The following ABCC3 variants were observed in gnomAD, a reference collection of about 807,000 sequenced individuals.
ABCC3 encodes the protein ATP binding cassette subfamily C member 3.
ABCC3 carries 121 observed loss-of-function variants against 165.3 expected under a neutral mutation model. That is an observed-to-expected ratio of 0.73 (90% CI 0.63 to 0.85). The LOEUF (loss-of-function observed/expected upper bound fraction) is 0.85. Among genes scored for constraint, ABCC3 ranks in the 40% least tolerant of loss-of-function variants. ABCC3 has a pLI of 0.00. For missense variants in ABCC3, 1,869 were observed against 1,964.1 expected, an observed-to-expected ratio of 0.95 and a Z score of 0.92; for synonymous variants, 733 against 810.1, an observed-to-expected ratio of 0.90 and a Z score of 1.62.
At chr17:50,669,947 C>A (rs1967612385) in intron 17 of ABCC3, among the ~76,000 whole-genome samples, 1 of 151,932 alleles carries the variant, frequency 6.6e-6, no homozygotes, top group Admixed American at 6.6e-5. Flanking sequence ...AGGCACATGC[C>A]ACCATACCCA....
At chr17:50,665,120 C>T in intron 10 of ABCC3, 33 bp from the exon 11 acceptor site, 1 of 1,592,692 alleles carries the variant, frequency 6.3e-7, no homozygotes, top group Middle Eastern at 1.7e-4. Context: ...TAATCTGTCC[C>T]TATGTGTCAT....
At chr17:50,687,758 G>A (rs758391849) in intron 30 of ABCC3, 28 bp downstream of exon 30, 27 of 1,604,582 alleles carry the variant, frequency 1.7e-5, no homozygotes, top group Non-Finnish European at 2.1e-5. Context: ...GAGCAATGGG[G>A]AACCTGGTGG....
At chr17:50,635,232 A>G in intron 1 of ABCC3, 3 of 627,222 alleles carry the variant, frequency 4.8e-6, no homozygotes, top group Non-Finnish European at 8.5e-6. Flanking sequence ...GAGCCCGGGA[A>G]AGTGAGGAAG....
Position 50,673,587 on chromosome 17 carries a change from G to T in ABCC3, c.2528G>T (p.Gly843Val). ...GPYPALLQRNGSFANFLCNYA... is the reference protein window; with the variant it reads ...GPYPALLQRNVSFANFLCNYA... ...TACCCAGCCCTGCTGCAGCGCAACGGCTCCTTTGCCAACTTTCTCTGCAAC... is the reference window on the plus strand; with the variant it reads ...TACCCAGCCCTGCTGCAGCGCAACGTCTCCTTTGCCAACTTTCTCTGCAAC... The change falls in exon 19 of 31, where the codon GGC becomes GTC. Residue 843 changes from glycine (G) to valine (V), a missense_variant. By Grantham distance (109) the Gly-to-Val change is moderately radical. Coordinates refer to ENST00000285238, the MANE Select transcript of ABCC3 (RefSeq NM_003786.4). 6.2e-7 allele frequency: 1 copy of T among 1,614,192 alleles called. No individual in the cohort carries two copies. The highest frequency in any genetic ancestry group is 1.6e-4 in the Middle Eastern group (1 of 6,062).
chr17:50,681,259 C>T (rs1967923559), intron 26 of ABCC3, among the ~76,000 whole-genome samples: 1 of 152,162 alleles, frequency 6.6e-6, no homozygotes, highest in Non-Finnish European at 1.5e-5. Flanking sequence ...TCGACCTTGC[C>T]TGACACCTCC....
At chr17:50,660,716 C>G (rs1458418925) in intron 7 of ABCC3, among the ~76,000 whole-genome samples, 1 of 152,188 alleles carries the variant, frequency 6.6e-6, no homozygotes, top group Non-Finnish European at 1.5e-5. Flanking sequence ...CTTGTGGTAG[C>G]AGTCTGGCCA....
intron 1 of ABCC3, chr17:50,635,754 C>A: frequency 1.6e-6 from 1 of 609,878 alleles, no homozygotes; most frequent in Non-Finnish European, 2.9e-6. Flanking sequence ...TGCAGTGGTT[C>A]ACGCCTGTAA....
Position 50,691,374 on chromosome 17 carries a change from T to A in ABCC3, c.*174T>A. On this transcript the variant is annotated 3_prime_UTR_variant, in exon 31 of 31. Coordinates refer to ENST00000285238, the MANE Select transcript of ABCC3 (RefSeq NM_003786.4). ...CTGAATGCTTTAGATGAGGAAATGA[T>A]CCCCAAGTGGTGAATGACACGCCTA... The A allele has an allele frequency of 1.7e-6, 1 of 572,202 alleles. No individual in the cohort carries two copies. The highest frequency in any genetic ancestry group is 3.2e-6 in the Non-Finnish European group (1 of 313,754). 35.4% of individuals were successfully genotyped at this position (572,202 alleles called of 1,614,324 possible).
intron 1 of ABCC3, among the ~76,000 whole-genome samples, chr17:50,640,869 C>T (rs113547418): frequency 7.0e-4 from 106 of 152,280 alleles, no homozygotes; most frequent in African/African-American, 2.1e-3. Context: ...GGGATCAGCA[C>T]GTGTCCTTGC....
chr17:50,664,333 C>A, intron 10 of ABCC3: 1 of 586,392 alleles, frequency 1.7e-6, no homozygotes, highest in Non-Finnish European at 3.0e-6. Flanking sequence ...ATAGCAAGAC[C>A]TTGTCTCTAA....
intron 11 of ABCC3, among the ~76,000 whole-genome samples, chr17:50,666,841 T>C (rs568365713): frequency 3.3e-5 from 5 of 152,268 alleles, no homozygotes; most frequent in Non-Finnish European, 7.4e-5. Flanking sequence ...GTCCATCCCC[T>C]CAGGAAGCTC....
At chr17:50,660,874 G>T in intron 7 of ABCC3, 49 bp from the exon 8 acceptor site, 1 of 1,520,414 alleles carries the variant, frequency 6.6e-7, no homozygotes, top group African/African-American at 1.4e-5. Context: ...TGGCTTCCTG[G>T]AGCCCCTGTC....
intron 11 of ABCC3, among the ~76,000 whole-genome samples, chr17:50,666,745 A>G (rs1967534504): frequency 6.6e-6 from 1 of 152,204 alleles, no homozygotes; most frequent in African/African-American, 2.4e-5. Context: ...CATAGTAGGC[A>G]CTCCATAAAT....
chr17:50,662,056 C>T (rs1297316469), intron 8 of ABCC3: 1 of 152,274 alleles, frequency 6.6e-6, no homozygotes, highest in Non-Finnish European at 1.5e-5. Flanking sequence ...CTTGAAAGAT[C>T]TGAGCCAGGG....
At chr17:50,647,313 G>C (rs1041402834) in intron 1 of ABCC3, among the ~76,000 whole-genome samples, 1 of 152,254 alleles carries the variant, frequency 6.6e-6, no homozygotes, top group African/African-American at 2.4e-5. Flanking sequence ...AGGTGTCAGG[G>C]TAGCTGGCAG....
rs751564181 is a variant in ABCC3 at position 50,680,245 on chromosome 17, T to C, written c.3807+346T>C. Among the ~76,000 whole-genome samples the C allele has an allele frequency of 2.0e-5, 3 of 152,008 alleles. No individual in the cohort carries two copies. The East Asian group carries it at 5.8e-4, about 29-fold the overall frequency. On this transcript the variant is annotated intron_variant, in intron 26 of 30. Coordinates refer to ENST00000285238, the MANE Select transcript of ABCC3 (RefSeq NM_003786.4). ...GGTGACCAGGGGAGACGAGCTTAGA[T>C]GAGAAGGATGGACAGGCTTTGATAG...
chr17:50,663,954 T>C lies in ABCC3; in HGVS notation c.1181T>C (p.Leu394Pro). ...GIMGVIYRKALVITNSVKRAS... is the reference protein window; with the variant it reads ...GIMGVIYRKAPVITNSVKRAS... ...CCCACTACTGTCTACCTGCAGGCTC[T>C]GGTTATCACCAACTCAGTCAAACGT... Residue 394 changes from leucine to proline, a missense_variant, in exon 10 of 31, where the codon CTG (leucine) becomes CCG (proline). Coordinates refer to ENST00000285238, the MANE Select transcript of ABCC3 (RefSeq NM_003786.4). 1 of 1,614,204 alleles carries C rather than the reference T, an allele frequency of 6.2e-7. No individual in the cohort carries two copies. The highest frequency in any genetic ancestry group is 8.5e-7 in the Non-Finnish European group (1 of 1,180,046).
Position 50,663,669 on chromosome 17 carries a change from T to A in ABCC3, c.999-12T>A, listed in dbSNP as rs1967448725. The A allele has an allele frequency of 6.2e-7, 1 of 1,613,884 alleles. No individual in the cohort carries two copies. The highest frequency in any genetic ancestry group is 1.1e-5 in the South Asian group (1 of 91,062). ...CAGCACTGCCCACCTCACTCCTCTC[T>A]CCTCCCCACAGCATCCTGATCAGGT... is the stretch of plus-strand genomic sequence containing the variant. On this transcript the variant is annotated splice_polypyrimidine_tract_variant and intron_variant, in intron 8 of 30. Transcript: ENST00000285238.
chr17:50,640,579 C>T (rs1196884208), intron 1 of ABCC3, among the ~76,000 whole-genome samples: 2 of 152,164 alleles, frequency 1.3e-5, no homozygotes, highest in African/African-American at 2.4e-5. Flanking sequence ...AGTGCAGTGG[C>T]GTGATCTCAG....
Sources: allele counts gnomAD v4.1 joint callset (sites outside exome capture counted in the v4.1 genomes callset), GRCh38; gene constraint gnomAD v4.1.1; transcripts MANE v1.5; gene names NCBI Gene and HGNC (gene_info 2026-07-23, HGNC 2026-07-21).